Variants in IQSEC3 observed in about 807,000 individuals in gnomAD.
IQSEC3 encodes the protein IQ motif and SEC7 domain-containing protein 3.
In IQSEC3, 50 loss-of-function variants were observed where a neutral mutation model predicts 105.4. That is an observed-to-expected ratio of 0.47 (90% confidence interval 0.38 to 0.60). The LOEUF (loss-of-function observed/expected upper bound fraction) is 0.60. IQSEC3 is among the 20% of genes least tolerant of loss of function. The pLI is 0.00. For missense variants in IQSEC3, 1,415 were observed against 1,630.0 expected (o/e 0.87, Z 2.27); for synonymous variants, 708 against 746.0 (o/e 0.95, Z 0.83).
chr12:109,586 T>C (rs1253883934), intron 2 of IQSEC3, among the ~76,000 whole-genome samples: 2 of 150,574 alleles, frequency 1.3e-5, no homozygotes, highest in Non-Finnish European at 1.5e-5. Context: ...GGCAGCCTGA[T>C]CCTAAACTCT....
intron 2 of IQSEC3, among the ~76,000 whole-genome samples, 177 bp downstream of exon 2, chr12:99,391 A>G (rs782089600): frequency 2.0e-5 from 3 of 152,070 alleles, no homozygotes; most frequent in Non-Finnish European, 4.4e-5. Context: ...CTGGACCCCA[A>G]ATGAGCCGTT....
intron 1 of IQSEC3, among the ~76,000 whole-genome samples, chr12:89,494 G>A (rs559922454): frequency 1.4e-4 from 22 of 152,186 alleles, no homozygotes; most frequent in African/African-American, 4.3e-4. Context: ...AAATTCAGCC[G>A]TTTTACATGT....
chr12:175,120 G>C lies in IQSEC3; in HGVS notation c.*87G>C, dbSNP rs1433672471. On this transcript the variant is annotated 3_prime_UTR_variant, in exon 14 of 14. Transcript: ENST00000538872. ...TCCACTGCTCCCCATACCCTGGCAC[G>C]ATGCGTTCCTGGTCACTGATCACCA... The C allele has an allele frequency of 9.6e-7, 1 of 1,037,064 alleles. No homozygotes were observed. Among genetic ancestry groups the C allele is most frequent in the African/African-American group, 1.6e-5 (1 of 61,946 alleles). The allele number at this position is 1,037,064 out of a possible 1,614,324, so 64.2% of individuals were successfully genotyped here.
intron 2 of IQSEC3, among the ~76,000 whole-genome samples, chr12:103,273 A>G (rs1864488538): frequency 6.6e-6 from 1 of 150,676 alleles, no homozygotes; most frequent in South Asian, 2.1e-4. Flanking sequence ...TAATGGGGCC[A>G]AGATGAGGAA....
intron 2 of IQSEC3, chr12:111,734 T>G (rs1555079601): frequency 6.6e-6 from 1 of 152,210 alleles, no homozygotes; most frequent in South Asian, 2.1e-4. Flanking sequence ...CTGAGACACC[T>G]GGACAGAGTG....
At chr12:125,383 C>T (rs1865353178) in intron 2 of IQSEC3, among the ~76,000 whole-genome samples, 1 of 152,036 alleles carries the variant, frequency 6.6e-6, no homozygotes, top group African/African-American at 2.4e-5. Flanking sequence ...AGCAGAGGCT[C>T]CTGAGCCCTG....
chr12:135,522 A>G (rs575260792), intron 3 of IQSEC3, among the ~76,000 whole-genome samples: 1 of 152,316 alleles, frequency 6.6e-6, no homozygotes, highest in Admixed American at 6.5e-5. Flanking sequence ...TACACATCCT[A>G]TATAATCCCC....
At chr12:111,902 A>G (rs1429943262) in intron 2 of IQSEC3, 1 of 152,178 alleles carries the variant, frequency 6.6e-6, no homozygotes, top group Non-Finnish European at 1.5e-5. Context: ...AGCGAAAGTG[A>G]GACTTGTGAT....
At chr12:141,864 A>T (rs575618935) in intron 5 of IQSEC3, 3 of 152,540 alleles carry the variant, frequency 2.0e-5, no homozygotes, top group Admixed American at 2.0e-4. Context: ...GTCCAGTAGC[A>T]GGGTGGGGAC....
intron 2 of IQSEC3, 31 bp from the exon 3 acceptor site, chr12:125,602 C>A (rs1555083007): frequency 6.8e-7 from 1 of 1,470,012 alleles, no homozygotes; most frequent in South Asian, 1.4e-5. Context: ...GCCCTCTCCC[C>A]CAACCGAGCA....
chr12:152,325 A>G lies in IQSEC3; in HGVS notation c.2154-4700A>G, dbSNP rs1866538299. ...GAGGCTCTCCTGTGTAACTGTGTCC[A>G]CGGGCTTCTCCTTGGCCTCTCACAG... On this transcript the variant is annotated intron_variant, in intron 5 of 13. Transcript: ENST00000538872. The surrounding 1 kb of genome is among the most constrained non-coding windows in gnomAD (Gnocchi z 4.8). Among the ~76,000 whole-genome samples the G allele has an allele frequency of 1.3e-5, 2 of 152,180 alleles. No individual in the cohort carries two copies. Among genetic ancestry groups the G allele is most frequent in the Non-Finnish European group, 2.9e-5 (2 of 68,028 alleles).
chr12:163,704 C>A, intron 9 of IQSEC3, 85 bp downstream of exon 9: 2 of 814,320 alleles, frequency 2.5e-6, no homozygotes, highest in Non-Finnish European at 2.1e-6. Flanking sequence ...CTGAAGTGGG[C>A]AGGAAAGGAC....
At chr12:173,062 C>G (rs782564890) in intron 13 of IQSEC3, among the ~76,000 whole-genome samples, 2 of 152,174 alleles carry the variant, frequency 1.3e-5, no homozygotes, top group Non-Finnish European at 2.9e-5. Context: ...TCCTGGCTGT[C>G]TCAGGCCCCG....
chr12:117,706 G>C (rs1555080975), intron 2 of IQSEC3, among the ~76,000 whole-genome samples: 1 of 152,222 alleles, frequency 6.6e-6, no homozygotes, highest in Admixed American at 6.5e-5. Flanking sequence ...GAGCAGCTGT[G>C]AGACCAAAGC....
chr12:138,691 C>T lies in IQSEC3; in HGVS notation c.1328C>T (p.Ala443Val). The T allele has an allele frequency of 6.5e-7, 1 of 1,534,024 alleles. No homozygotes were observed. The highest frequency in any genetic ancestry group is 8.7e-7 in the Non-Finnish European group (1 of 1,145,144). The change falls in exon 4 of 14, where the codon GCC becomes GTC. Residue 443 changes from alanine (A) to valine (V), a missense_variant. This residue lies in a region of IQSEC3 where 720 missense variants were observed against 633.0 expected (regional missense o/e 1.14). Transcript: ENST00000538872. The surrounding 1 kb of genome is among the most constrained non-coding windows in gnomAD (Gnocchi z 7.1). Reference protein sequence around the residue: ...AYQLHQALQAAAGPPGLEAEG... With the variant: ...AYQLHQALQAVAGPPGLEAEG... ...CAGCTCCACCAGGCCCTGCAGGCGGCCGCGGGGCCCCCAGGCCTGGAGGCC... is the reference window on the plus strand; with the variant it reads ...CAGCTCCACCAGGCCCTGCAGGCGGTCGCGGGGCCCCCAGGCCTGGAGGCC...
intron 1 of IQSEC3, among the ~76,000 whole-genome samples, chr12:73,453 C>G (rs1322650000): frequency 6.6e-6 from 1 of 152,244 alleles, no homozygotes; most frequent in Non-Finnish European, 1.5e-5. Flanking sequence ...GATGGCAGAT[C>G]AGCTGAGGTC....
intron 2 of IQSEC3, among the ~76,000 whole-genome samples, chr12:107,619 C>T (rs1864714579): frequency 1.3e-5 from 2 of 151,870 alleles, no homozygotes; most frequent in Admixed American, 1.3e-4. Context: ...ACTGTGTTAG[C>T]CAGGATGGTC....
rs782446042 is a variant in IQSEC3, at chr12:138,857, C to T, written c.1494C>T (p.Ser498=). 1.9e-6 allele frequency: 3 copies of T among 1,612,332 alleles called. No homozygotes were observed. The highest frequency in any genetic ancestry group is 3.3e-5 in the Admixed American group (2 of 59,960). ...TGCAGATCGCCAACCAGAACATATC[C>T]GTCTCCTCCTCCACGGCTCTGTCGG... ...VTVQIANQNI[S]VSSSTALSVA... The change falls in exon 4 of 14, where the codon TCC becomes TCT. Residue 498 remains serine (S), a synonymous_variant. Transcript: ENST00000538872. The surrounding 1 kb of genome is among the most constrained non-coding windows in gnomAD (Gnocchi z 7.1).
rs781970421 is a variant in IQSEC3, at chr12:141,147, T to C, written c.2015T>C (p.Phe672Ser). 6.2e-6 allele frequency: 10 copies of C among 1,610,914 alleles called. No individual in the cohort carries two copies. Among genetic ancestry groups the C allele is most frequent in the Non-Finnish European group, 8.5e-6 (10 of 1,177,954 alleles). Reference sequence around the variant, plus strand: ...AGAAACCCCGACAAGGGCATCCAGTTCCTGATCTCACGCGGCTTCATCCCG... The same window carrying C: ...AGAAACCCCGACAAGGGCATCCAGTCCCTGATCTCACGCGGCTTCATCCCG... Reference protein sequence around the residue: ...FNINPDKGIQFLISRGFIPDT... With the variant: ...FNINPDKGIQSLISRGFIPDT... The change falls in exon 5 of 14, where the codon TTC becomes TCC. Residue 672 changes from phenylalanine (F) to serine (S), a missense_variant. By Grantham distance (155) the Phe-to-Ser change is radical. Coordinates refer to ENST00000538872, the MANE Select transcript of IQSEC3 (RefSeq NM_001170738.2).
Sources: gnomAD v4.1 joint callset for allele counts (sites outside exome capture counted in the v4.1 genomes callset) on GRCh38, gnomAD v4.1.1 for gene constraint, gnomAD v4.1.1 regional missense constraint, Gnocchi (gnomAD v3.1) non-coding constraint, MANE v1.5 for transcripts, NCBI Gene and HGNC (gene_info 2026-07-23, HGNC 2026-07-21) for gene names.